The following SLC17A5 variants were observed in gnomAD, a reference collection of about 807,000 sequenced individuals.
SLC17A5 encodes sialin.
A neutral mutation model predicts 59.4 loss-of-function variants in SLC17A5; 47 were observed. The ratio of observed to expected loss-of-function variants is 0.79; its 90% CI spans 0.63 to 1.01. SLC17A5 has a LOEUF of 1.01. Ranked by LOEUF, SLC17A5 falls within the 50% of genes least tolerant of loss-of-function variation. The pLI is 0.00. For synonymous variants in SLC17A5, 202 were observed against 210.7 expected (o/e 0.96, Z 0.36); for missense variants, 522 against 595.5 (o/e 0.88, Z 1.28).
chr6:73,642,220 A>G (rs1034420430), intron 2 of SLC17A5, among the ~76,000 whole-genome samples: 6 of 152,220 alleles, frequency 3.9e-5, no homozygotes, highest in African/African-American at 1.4e-4. Flanking sequence ...AAGGCTCACA[A>G]AAGAATCACA....
intron 4 of SLC17A5, among the ~76,000 whole-genome samples, 154 bp downstream of exon 4, chr6:73,638,258 A>G (rs1769115598): frequency 6.6e-6 from 1 of 152,256 alleles, no homozygotes; most frequent in African/African-American, 2.4e-5. Context: ...GCCAAAGAGA[A>G]AAATTGGTAA....
intron 1 of SLC17A5, chr6:73,653,345 AG>A: frequency 5.1e-6 from 5 of 985,446 alleles, no homozygotes; most frequent in Non-Finnish European, 6.0e-6. Flanking sequence ...ACTGATCTGC[AG>A]GTTTCTCCTC....
At chr6:73,621,658 TC>T in intron 7 of SLC17A5, 145 bp downstream of exon 7, 1 of 649,800 alleles carries the variant, frequency 1.5e-6, no homozygotes, top group Non-Finnish European at 2.6e-6. Flanking sequence ...TTCTTAATAG[TC>T]CTTTGATGTA....
intron 5 of SLC17A5, 35 bp downstream of exon 5, chr6:73,636,586 G>A (rs528713087): frequency 8.5e-7 from 1 of 1,171,466 alleles, no homozygotes; most frequent in Non-Finnish European, 1.3e-6. Flanking sequence ...TTTTGAATTT[G>A]TTACATTATA....
intron 6 of SLC17A5, among the ~76,000 whole-genome samples, chr6:73,627,112 C>G (rs1019481126): frequency 6.7e-6 from 1 of 148,334 alleles, no homozygotes; most frequent in Non-Finnish European, 1.5e-5. Flanking sequence ...GAGTCTCGCT[C>G]TGTCGCCAGG....
chr6:73,624,469 G>A (rs34609086), intron 6 of SLC17A5, among the ~76,000 whole-genome samples: 103 of 152,222 alleles, frequency 6.8e-4, no homozygotes, highest in Admixed American at 1.0e-3. Flanking sequence ...TTTCTATTAA[G>A]ATGTAAATTT....
At chr6:73,622,888 AC>A (rs1157783233) in intron 6 of SLC17A5, among the ~76,000 whole-genome samples, 1 of 152,174 alleles carries the variant, frequency 6.6e-6, no homozygotes, top group Non-Finnish European at 1.5e-5. Context: ...AAATAAAAAA[AC>A]ACACTCTATT....
chr6:73,636,137 T>TTA (rs1186038785), intron 5 of SLC17A5, among the ~76,000 whole-genome samples: 5 of 152,314 alleles, frequency 3.3e-5, no homozygotes, highest in African/African-American at 1.2e-4. Context: ...TTTCCAAAGG[T>TTA]GTCTGTTTTT....
intron 10 of SLC17A5, among the ~76,000 whole-genome samples, chr6:73,599,839 G>A (rs1239847035): frequency 1.3e-5 from 2 of 150,398 alleles, no homozygotes; most frequent in Admixed American, 6.6e-5. Flanking sequence ...TTGCTCTGTT[G>A]CCAGACTGGA....
chr6:73,612,333 T>C (rs569858170), intron 8 of SLC17A5, among the ~76,000 whole-genome samples: 1 of 152,200 alleles, frequency 6.6e-6, no homozygotes, highest in East Asian at 1.9e-4. Flanking sequence ...CTAATCTTTG[T>C]ATTAGAGATG....
chr6:73,600,465 T>TTTA, intron 9 of SLC17A5, 24 bp from the exon 10 acceptor site: 1 of 1,550,780 alleles, frequency 6.4e-7, no homozygotes, highest in Non-Finnish European at 8.9e-7. Flanking sequence ...TTCATAGACG[T>TTTA]TTATTATTGT....
chr6:73,621,727 T>A, intron 7 of SLC17A5, 77 bp downstream of exon 7: 1 of 1,204,714 alleles, frequency 8.3e-7, no homozygotes, highest in Non-Finnish European at 1.2e-6. Context: ...AATAACTGAA[T>A]TTTATACAGA....
At chr6:73,627,592 A>C (rs1021901687) in intron 6 of SLC17A5, among the ~76,000 whole-genome samples, 1 of 151,874 alleles carries the variant, frequency 6.6e-6, no homozygotes, top group Non-Finnish European at 1.5e-5. Context: ...TGGCTTCATC[A>C]TATCTAATTG....
intron 7 of SLC17A5, among the ~76,000 whole-genome samples, chr6:73,620,613 A>G (rs902841824): frequency 6.6e-6 from 1 of 152,184 alleles, no homozygotes; most frequent in African/African-American, 2.4e-5. Context: ...TAGCCAGGCC[A>G]ATGTTTATGG....
At chr6:73,650,290 A>G (rs1421969908) in intron 1 of SLC17A5, among the ~76,000 whole-genome samples, 1 of 151,604 alleles carries the variant, frequency 6.6e-6, no homozygotes, top group African/African-American at 2.4e-5. Context: ...CAGGTGGATC[A>G]CGTGGTCAGG....
chr6:73,631,439 T>A (rs1768709257), intron 6 of SLC17A5, among the ~76,000 whole-genome samples: 1 of 151,268 alleles, frequency 6.6e-6, no homozygotes, highest in Non-Finnish European at 1.5e-5. Context: ...AAATTCATCA[T>A]AGAATTATCA....
chr6:73,633,093 C>G (rs572815456), intron 6 of SLC17A5, among the ~76,000 whole-genome samples: 1 of 152,210 alleles, frequency 6.6e-6, no homozygotes, highest in African/African-American at 2.4e-5. Context: ...TTAAGCAGTC[C>G]CCTTGCCTCA....
intron 1 of SLC17A5, among the ~76,000 whole-genome samples, chr6:73,649,877 T>C (rs1434554152): frequency 2.6e-5 from 4 of 152,074 alleles, no homozygotes; most frequent in Non-Finnish European, 5.9e-5. Flanking sequence ...GGCATGAGGT[T>C]CTCAGTGAAA....
intron 7 of SLC17A5, among the ~76,000 whole-genome samples, chr6:73,617,674 T>C (rs1189371193): frequency 6.6e-6 from 1 of 151,938 alleles, no homozygotes; most frequent in East Asian, 1.9e-4. Flanking sequence ...TGAAACCTCA[T>C]CTCTACTAAT....
Sources: gnomAD v4.1 joint callset for allele counts (sites outside exome capture counted in the v4.1 genomes callset) on GRCh38, gnomAD v4.1.1 for gene constraint, MANE v1.5 for transcripts, NCBI Gene and HGNC (gene_info 2026-07-23, HGNC 2026-07-21) for gene names.